AKAP13: variants seen among roughly 807,000 people sequenced by gnomAD.
The protein encoded by AKAP13 is A-kinase anchor protein 13.
AKAP13 carries 80 observed loss-of-function variants against 264.5 expected under a neutral mutation model. The ratio of observed to expected loss-of-function variants is 0.30; its 90% CI spans 0.25 to 0.36. The LOEUF is 0.36. Ranked by LOEUF, AKAP13 falls within the 10% of genes least tolerant of loss-of-function variation. The pLI is 1.00. For missense variants in AKAP13, 3,712 were observed against 3,435.2 expected (o/e 1.08, Z -2.01); for synonymous variants, 1,380 against 1,250.2 (o/e 1.10, Z -2.19).
chr15:85,512,926 G>A (rs929604514), intron 2 of AKAP13, among the ~76,000 whole-genome samples: 24 of 151,394 alleles, frequency 1.6e-4, no homozygotes, highest in South Asian at 6.3e-4. Flanking sequence ...GTGTGATCTC[G>A]GCTCACTGCA....
At chr15:85,499,006 A>G (rs984845246) in intron 2 of AKAP13, among the ~76,000 whole-genome samples, 10 of 152,324 alleles carry the variant, frequency 6.6e-5, no homozygotes, top group East Asian at 3.9e-4. Context: ...TTGGAACTGT[A>G]TGGGTACATT....
intron 2 of AKAP13, among the ~76,000 whole-genome samples, chr15:85,494,718 C>T (rs562059815): frequency 1.3e-5 from 2 of 152,240 alleles, no homozygotes; most frequent in South Asian, 2.1e-4. Flanking sequence ...CAGCAGGTTA[C>T]GAGAGGTCTG....
chr15:85,494,275 C>G (rs1229732241), intron 2 of AKAP13, among the ~76,000 whole-genome samples: 4 of 152,148 alleles, frequency 2.6e-5, no homozygotes, highest in Non-Finnish European at 5.9e-5. Flanking sequence ...AATAAATCCT[C>G]CCTCAGACTA....
intron 1 of AKAP13, among the ~76,000 whole-genome samples, chr15:85,424,937 CACA>C (rs1293363239): frequency 1.3e-5 from 2 of 152,176 alleles, no homozygotes; most frequent in Non-Finnish European, 2.9e-5. Context: ...TTAGAACATA[CACA>C]ACATTTATTT....
chr15:85,533,224 C>T (rs1345121250), intron 3 of AKAP13, among the ~76,000 whole-genome samples: 1 of 152,164 alleles, frequency 6.6e-6, no homozygotes, highest in Non-Finnish European at 1.5e-5. Context: ...GACTTTCCAT[C>T]ATATGCTATG....
At position 85,592,591 on chromosome 15, in the gene AKAP13, T is replaced by G. The variant is rs1044963227; in HGVS notation, c.4161+6768T>G. Among the ~76,000 whole-genome samples the G allele has an allele frequency of 5.6e-4, 85 of 152,324 alleles. 1 individual carries two copies. Among genetic ancestry groups the G allele is most frequent in the Non-Finnish European group, 2.5e-4 (17 of 68,028 alleles). ...CAGAAAGTCTTATCTGCATACATTT[T>G]TGGCATGTAAGAGAGGCAGGCTCTC... On this transcript the variant is annotated intron_variant, in intron 8 of 36. Transcript: ENST00000394518.
chr15:85,742,587 C>T (rs1462069028), intron 35 of AKAP13, among the ~76,000 whole-genome samples: 1 of 152,248 alleles, frequency 6.6e-6, no homozygotes, highest in African/African-American at 2.4e-5. Context: ...TGCCTCTCTA[C>T]TGCTGATGAA....
At position 85,581,156 on chromosome 15, in the gene AKAP13, C is replaced by T. The variant is rs1470801945; in HGVS notation, c.3088C>T (p.Gln1030Ter). The change falls in exon 7 of 37, where the codon CAG (glutamine) becomes TAG (stop). Residue 1030 changes from glutamine to a stop codon, truncating the protein, a stop_gained. Coordinates refer to ENST00000394518, the MANE Select transcript of AKAP13 (RefSeq NM_007200.5). LOFTEE classifies it high-confidence loss of function. Reference protein sequence around the residue: ...PGASLATESRQEALGAEHNSS... With the variant: ...PGASLATESR ...AGCAAGTCTGGCCACAGAGTCAAGGCAGGAAGCCTTGGGGGCAGAGCACAA... is the reference window on the plus strand; with the variant it reads ...AGCAAGTCTGGCCACAGAGTCAAGGTAGGAAGCCTTGGGGGCAGAGCACAA... 1.2e-6 allele frequency: 2 copies of T among 1,614,008 alleles called. No homozygotes were observed. The highest frequency in any genetic ancestry group is 1.7e-6 in the Non-Finnish European group (2 of 1,179,992).
At chr15:85,481,640 C>T (rs1488717879) in intron 1 of AKAP13, among the ~76,000 whole-genome samples, 2 of 152,168 alleles carry the variant, frequency 1.3e-5, no homozygotes, top group Non-Finnish European at 2.9e-5. Flanking sequence ...TTTCTGATTC[C>T]TTTCAACTGT....
chr15:85,483,259 T>G (rs1329687575), intron 1 of AKAP13, among the ~76,000 whole-genome samples: 1 of 152,216 alleles, frequency 6.6e-6, no homozygotes, highest in Non-Finnish European at 1.5e-5. Flanking sequence ...TCCAGGCTTG[T>G]CCAAACCGTG....
chr15:85,499,133 T>C (rs2075972256), intron 2 of AKAP13, among the ~76,000 whole-genome samples: 1 of 152,206 alleles, frequency 6.6e-6, no homozygotes, highest in Non-Finnish European at 1.5e-5. Context: ...TCTATGGCTT[T>C]TCTTTTTTAA....
rs1448528471 is a variant in AKAP13, at chr15:85,579,057, T to C, written c.989T>C (p.Leu330Pro). Residue 330 changes from leucine (L) to proline (P), a missense_variant, in exon 7 of 37, where the codon CTT becomes CCT. Physicochemically the swap from Leu to Pro is moderately conservative, Grantham distance 98. Transcript: ENST00000394518. ...CCGGAGCCCACGGACCCTCAGCGACTTTCTTCTTCTGAAGAGACTGAGAGC... is the reference window on the plus strand; with the variant it reads ...CCGGAGCCCACGGACCCTCAGCGACCTTCTTCTTCTGAAGAGACTGAGAGC... The part of the protein sequence containing the change: ...CAPEPTDPQR[L>P]SSSEETESTQ... 1.9e-6 allele frequency: 3 copies of C among 1,614,166 alleles called. No homozygotes were observed. The South Asian group carries it at 3.3e-5, about 18-fold the overall frequency.
chr15:85,484,606 T>C (rs554293853), intron 1 of AKAP13, among the ~76,000 whole-genome samples: 5 of 152,356 alleles, frequency 3.3e-5, no homozygotes, highest in Admixed American at 2.6e-4. Flanking sequence ...ATGTAGATTT[T>C]TTTCCCTCTA....
intron 1 of AKAP13, among the ~76,000 whole-genome samples, chr15:85,450,926 CA>C (rs2074064538): frequency 6.6e-6 from 1 of 151,834 alleles, no homozygotes; most frequent in Non-Finnish European, 1.5e-5. Context: ...TTTTCTGGCT[CA>C]GTCTGTCTAA....
intron 8 of AKAP13, chr15:85,619,653 T>C (rs993788116): frequency 1.0e-6 from 1 of 987,830 alleles, no homozygotes; most frequent in Non-Finnish European, 1.2e-6. Context: ...GCAAAGTATA[T>C]ACTGGATTTT....
intron 16 of AKAP13, among the ~76,000 whole-genome samples, chr15:85,685,802 C>CT (rs1242802151): frequency 1.3e-5 from 2 of 152,088 alleles, no homozygotes; most frequent in Non-Finnish European, 2.9e-5. Context: ...CATTTTTTAT[C>CT]TAATTATTTT....
intron 1 of AKAP13, among the ~76,000 whole-genome samples, chr15:85,438,391 C>A (rs1272226143): frequency 2.0e-5 from 3 of 151,598 alleles, no homozygotes; most frequent in Non-Finnish European, 2.9e-5. Flanking sequence ...GGCCATACTT[C>A]CCAAGGTAAT....
At chr15:85,740,383 G>A in intron 34 of AKAP13, 111 bp downstream of exon 34, 4 of 1,269,226 alleles carry the variant, frequency 3.2e-6, no homozygotes, top group Non-Finnish European at 4.5e-6. Flanking sequence ...GGATAAATGG[G>A]GCCCTCAGTC....
At chr15:85,685,470 G>GTGTGTGTGTGTGTGTGTC (rs1567194632) in intron 16 of AKAP13, 1 of 148,074 alleles carries the variant, frequency 6.8e-6, no homozygotes, top group Non-Finnish European at 1.5e-5. Flanking sequence ...CCGTGTGTGT[G>GTGTGTGTGTGTGTGTGTC]TGTGTGTGTG....
Sources: gnomAD v4.1 joint callset for allele counts (sites outside exome capture counted in the v4.1 genomes callset) on GRCh38, gnomAD v4.1.1 for gene constraint, MANE v1.5 for transcripts, NCBI Gene and HGNC (gene_info 2026-07-23, HGNC 2026-07-21) for gene names.